Variants in OXR1 observed in about 807,000 individuals in gnomAD.
OXR1 encodes oxidation resistance protein 1.
A neutral mutation model predicts 104.6 loss-of-function variants in OXR1; 41 were observed. The observed-to-expected ratio is 0.39, with a 90% CI of 0.31 to 0.51. The LOEUF is 0.51. OXR1 is among the 20% of genes least tolerant of loss of function. OXR1 has a pLI of 0.77. For missense variants in OXR1, 955 were observed against 1,031.9 expected (o/e 0.93, Z 1.02); for synonymous variants, 348 against 348.4 (o/e 1.00, Z 0.01).
At chr8:106,359,743 A>G in intron 2 of OXR1, 107 bp downstream of exon 2, 1 of 826,380 alleles carries the variant, frequency 1.2e-6, no homozygotes. Context: ...AAACTTAAAA[A>G]TCTGGTTTCC....
chr8:106,325,644 C>T (rs957438212), intron 1 of OXR1, among the ~76,000 whole-genome samples: 5 of 152,264 alleles, frequency 3.3e-5, no homozygotes, highest in African/African-American at 1.2e-4. Flanking sequence ...GTTTTTAGTA[C>T]AAGTCAGTCC....
intron 3 of OXR1, among the ~76,000 whole-genome samples, chr8:106,587,437 T>G (rs1396336594): frequency 6.6e-6 from 1 of 152,232 alleles, no homozygotes; most frequent in Non-Finnish European, 1.5e-5. Flanking sequence ...CAGGCAGCAC[T>G]AAAGTTTCAC....
At chr8:106,717,869 C>T (rs1204784860) in intron 11 of OXR1, among the ~76,000 whole-genome samples, 1 of 152,118 alleles carries the variant, frequency 6.6e-6, no homozygotes, top group Non-Finnish European at 1.5e-5. Context: ...TAATAGTCCA[C>T]AGTCTGTCAT....
intron 2 of OXR1, among the ~76,000 whole-genome samples, chr8:106,449,330 G>A (rs1820190276): frequency 6.6e-6 from 1 of 152,078 alleles, no homozygotes; most frequent in African/African-American, 2.4e-5. Flanking sequence ...AATGCAGCTA[G>A]CTACATAGAA....
chr8:106,474,130 T>G (rs1208753015), intron 2 of OXR1, among the ~76,000 whole-genome samples: 2 of 148,622 alleles, frequency 1.3e-5, no homozygotes, highest in African/African-American at 2.5e-5. Flanking sequence ...AAAGTTTTGT[T>G]TTTTTTTTTA....
chr8:106,684,140 G>GT, intron 5 of OXR1, 106 bp from the exon 6 acceptor site: 2 of 609,450 alleles, frequency 3.3e-6, no homozygotes, highest in Non-Finnish European at 5.9e-6. Flanking sequence ...AAATTTTTAT[G>GT]TTTTTCTGTT....
intron 1 of OXR1, among the ~76,000 whole-genome samples, chr8:106,353,904 C>T (rs540970551): frequency 6.6e-6 from 1 of 152,276 alleles, no homozygotes; most frequent in Non-Finnish European, 1.5e-5. Flanking sequence ...CTACCTCCAG[C>T]CTGCCGCCCC....
At chr8:106,699,332 C>T (rs761546494) in intron 7 of OXR1, among the ~76,000 whole-genome samples, 1 of 152,132 alleles carries the variant, frequency 6.6e-6, no homozygotes, top group Non-Finnish European at 1.5e-5. Flanking sequence ...GAAGGGAACC[C>T]TTTGTAGACC....
chr8:106,442,604 G>T lies in OXR1; in HGVS notation c.24-76339G>T, dbSNP rs150840886. On this transcript the variant is annotated intron_variant, in intron 2 of 16. Transcript: ENST00000517566. ...TACCTCAATTTCATAGCTTATTACT[G>T]ATCTATTCAGGGATTCGACTTCTTC... Among the ~76,000 whole-genome samples, 7 of 152,220 alleles carry T rather than the reference G, an allele frequency of 4.6e-5. 1 individual carries two copies. Among genetic ancestry groups the T allele is most frequent in the African/African-American group, 1.7e-4 (7 of 41,546 alleles).
intron 3 of OXR1, among the ~76,000 whole-genome samples, chr8:106,532,754 T>C (rs1286711559): frequency 6.6e-6 from 1 of 152,188 alleles, no homozygotes; most frequent in African/African-American, 2.4e-5. Flanking sequence ...AGCTAACCTT[T>C]TCATTTAAAA....
intron 3 of OXR1, among the ~76,000 whole-genome samples, chr8:106,540,324 A>G (rs1814855114): frequency 6.6e-6 from 1 of 152,200 alleles, no homozygotes; most frequent in Non-Finnish European, 1.5e-5. Flanking sequence ...CAGAAAGATC[A>G]CTATTTAGCT....
chr8:106,727,617 G>T (rs1268687225), intron 11 of OXR1, among the ~76,000 whole-genome samples: 1 of 151,902 alleles, frequency 6.6e-6, no homozygotes, highest in Non-Finnish European at 1.5e-5. Context: ...ACTAGGTTTC[G>T]CCTTGTTGCC....
At chr8:106,300,671 A>T (rs1161054595) in intron 1 of OXR1, among the ~76,000 whole-genome samples, 1 of 152,168 alleles carries the variant, frequency 6.6e-6, no homozygotes, top group Admixed American at 6.5e-5. Context: ...TGCTGTACAG[A>T]CATTTCAGAA....
At chr8:106,424,864 C>A (rs994843895) in intron 2 of OXR1, among the ~76,000 whole-genome samples, 1 of 151,612 alleles carries the variant, frequency 6.6e-6, no homozygotes, top group Non-Finnish European at 1.5e-5. Context: ...AGGATAAATG[C>A]TTTTCTTATG....
intron 10 of OXR1, among the ~76,000 whole-genome samples, chr8:106,713,446 A>G (rs1266938620): frequency 6.6e-6 from 1 of 151,968 alleles, no homozygotes; most frequent in East Asian, 1.9e-4. Flanking sequence ...AAAATAGGCC[A>G]TTAATAAATT....
intron 2 of OXR1, among the ~76,000 whole-genome samples, chr8:106,461,799 T>C (rs1820932404): frequency 6.7e-6 from 1 of 149,334 alleles, no homozygotes; most frequent in Non-Finnish European, 1.5e-5. Flanking sequence ...AATGAGTGTT[T>C]CTATTGCACC....
chr8:106,507,267 A>G (rs1292500756), intron 2 of OXR1, among the ~76,000 whole-genome samples: 2 of 152,190 alleles, frequency 1.3e-5, no homozygotes, highest in African/African-American at 2.4e-5. Context: ...ATGGTGTTAT[A>G]TTATCCCTCC....
At chr8:106,350,260 G>C (rs1815668647) in intron 1 of OXR1, among the ~76,000 whole-genome samples, 1 of 152,124 alleles carries the variant, frequency 6.6e-6, no homozygotes, top group Non-Finnish European at 1.5e-5. Context: ...TTTTTTCTCA[G>C]AAAATTATAG....
chr8:106,497,791 TGTGTGTGTGTGTGTGCACACGC>T (rs1811511678), intron 2 of OXR1, among the ~76,000 whole-genome samples: 1 of 137,008 alleles, frequency 7.3e-6, no homozygotes, highest in Admixed American at 6.9e-5. Context: ...TCACCATATG[TGTGTGTGTGTGTGTGCACACGC>T]GTGTGTGTGT....
Sources: gnomAD v4.1 joint callset for allele counts (sites outside exome capture counted in the v4.1 genomes callset) on GRCh38, gnomAD v4.1.1 for gene constraint, MANE v1.5 for transcripts, NCBI Gene and HGNC (gene_info 2026-07-23, HGNC 2026-07-21) for gene names.